The following LIPC variants were observed in gnomAD, a reference collection of about 807,000 sequenced individuals.
LIPC encodes the protein hepatic triacylglycerol lipase.
A neutral mutation model predicts 50.7 loss-of-function variants in LIPC; 44 were observed. That is an observed-to-expected ratio of 0.87 (90% CI 0.68 to 1.11). LIPC has a LOEUF of 1.11. Among genes scored for constraint, LIPC ranks in the 50% most tolerant of loss-of-function variants. The pLI is 0.00. For synonymous variants in LIPC, 271 were observed against 256.4 expected (o/e 1.06, Z -0.54); for missense variants, 697 against 648.2 (o/e 1.08, Z -0.82).
At chr15:58,488,529 G>T (rs1197386899) in intron 1 of LIPC, among the ~76,000 whole-genome samples, 3 of 151,926 alleles carry the variant, frequency 2.0e-5, no homozygotes, top group Non-Finnish European at 2.9e-5. Flanking sequence ...AGCCCCCTTG[G>T]AAGGAAAATA....
chr15:58,451,760 C>T (rs1177643386), intron 1 of LIPC, among the ~76,000 whole-genome samples: 9 of 152,284 alleles, frequency 5.9e-5, no homozygotes, highest in Admixed American at 2.0e-4. Flanking sequence ...CGAGGATGAG[C>T]GGGAGGCAAG....
At chr15:58,446,782 G>A (rs1350241719) in intron 1 of LIPC, among the ~76,000 whole-genome samples, 1 of 152,162 alleles carries the variant, frequency 6.6e-6, no homozygotes, top group African/African-American at 2.4e-5. Context: ...GCATGGAGCA[G>A]GCACGTGGCA....
intron 6 of LIPC, among the ~76,000 whole-genome samples, chr15:58,549,549 C>T (rs1056481180): frequency 9.2e-5 from 14 of 152,310 alleles, no homozygotes; most frequent in African/African-American, 2.4e-4. Flanking sequence ...AAGCAAAACT[C>T]GCGTGGGGTG....
At chr15:58,565,106 C>A in intron 8 of LIPC, 2 of 1,279,000 alleles carry the variant, frequency 1.6e-6, no homozygotes, top group East Asian at 2.5e-5. Flanking sequence ...TACAACCGCA[C>A]TCTGAGATTT....
intron 1 of LIPC, among the ~76,000 whole-genome samples, chr15:58,440,048 C>T (rs1893450736): frequency 6.6e-6 from 1 of 152,126 alleles, no homozygotes; most frequent in Non-Finnish European, 1.5e-5. Context: ...TGACTTCTTC[C>T]CCAGTAGCTA....
intron 1 of LIPC, among the ~76,000 whole-genome samples, chr15:58,456,771 G>A (rs113378901): frequency 4.6e-5 from 7 of 152,344 alleles, no homozygotes; most frequent in African/African-American, 1.4e-4. Flanking sequence ...TGGGGAAAAC[G>A]AGAGGTCCTC....
chr15:58,471,947 C>T (rs1890823391), intron 1 of LIPC, among the ~76,000 whole-genome samples: 1 of 152,124 alleles, frequency 6.6e-6, no homozygotes, highest in Non-Finnish European at 1.5e-5. Flanking sequence ...CATTAGCTCA[C>T]CCTTCTCAGC....
chr15:58,535,572 A>G (rs1893091178), intron 1 of LIPC, among the ~76,000 whole-genome samples: 2 of 152,210 alleles, frequency 1.3e-5, no homozygotes, highest in South Asian at 4.1e-4. Context: ...CAGAGTAAAT[A>G]TACACAAGAC....
At chr15:58,529,586 CT>C (rs1892898014) in intron 1 of LIPC, among the ~76,000 whole-genome samples, 2 of 152,218 alleles carry the variant, frequency 1.3e-5, no homozygotes, top group African/African-American at 4.8e-5. Flanking sequence ...CCTGTTTCCT[CT>C]TGTGCCGATC....
chr15:58,483,538 C>T (rs1222004484), intron 1 of LIPC, among the ~76,000 whole-genome samples: 3 of 152,122 alleles, frequency 2.0e-5, no homozygotes, highest in African/African-American at 7.2e-5. Context: ...AGGGGGTAAC[C>T]TCTGTCCCTT....
At chr15:58,538,203 C>T in intron 1 of LIPC, 130 bp from the exon 2 acceptor site, 1 of 911,326 alleles carries the variant, frequency 1.1e-6, no homozygotes. Flanking sequence ...ACAGTTGTGG[C>T]TCATTCTGAT....
chr15:58,516,413 G>C (rs1892491848), intron 1 of LIPC, among the ~76,000 whole-genome samples: 1 of 151,618 alleles, frequency 6.6e-6, no homozygotes, highest in African/African-American at 2.4e-5. Flanking sequence ...ATTTCTTTAA[G>C]CATTTCTTCT....
intron 2 of LIPC, 106 bp downstream of exon 2, chr15:58,538,623 C>A: frequency 5.5e-6 from 6 of 1,087,194 alleles, no homozygotes; most frequent in Non-Finnish European, 7.1e-6. Flanking sequence ...GATAACAACT[C>A]CATGCATAAT....
At chr15:58,542,087 C>T (rs187208154) in intron 3 of LIPC, 120 bp downstream of exon 3, 2 of 1,176,728 alleles carry the variant, frequency 1.7e-6, no homozygotes, top group Non-Finnish European at 2.4e-6. Flanking sequence ...ATGCTCAGCT[C>T]ACAGGAATGA....
chr15:58,442,098 G>C (rs1379853633), intron 1 of LIPC, among the ~76,000 whole-genome samples: 1 of 152,192 alleles, frequency 6.6e-6, no homozygotes, highest in African/African-American at 2.4e-5. Context: ...TAGCTGCACA[G>C]CTTTGGGTGA....
chr15:58,543,872 C>T lies in LIPC; in HGVS notation c.574+1221C>T, dbSNP rs1309050487. ...CCCAACCTCAGGTGATCCACCATCT[C>T]GGCCTCCCAAAGTGCTGGGATTACA... On this transcript the variant is annotated intron_variant, in intron 4 of 8. Transcript: ENST00000299022. 3.9e-5 allele frequency among the ~76,000 whole-genome samples: 6 copies of T among 152,222 alleles called. No homozygotes were observed. The East Asian group carries it at 7.7e-4, about 20-fold the overall frequency.
rs369378374 is a variant in LIPC, at chr15:58,548,382, C to G, written c.861C>G (p.Ile287Met). ...ACGAGCGATCGGTGCACCTTTTCATCGACTCCTTGCTGCACGCCGGCACGC... is the reference window on the plus strand; with the variant it reads ...ACGAGCGATCGGTGCACCTTTTCATGGACTCCTTGCTGCACGCCGGCACGC... ...CSHERSVHLF[I>M]DSLLHAGTQS... is the part of the protein sequence containing the mutation. Residue 287 changes from isoleucine to methionine, a missense_variant, in exon 6 of 9, where the codon ATC (isoleucine) becomes ATG (methionine). By Grantham distance (10) the Ile-to-Met change is conservative. Transcript: ENST00000299022. The G allele has an allele frequency of 5.6e-6, 9 of 1,614,176 alleles. No homozygotes were observed. The highest frequency in any genetic ancestry group is 7.6e-6 in the Non-Finnish European group (9 of 1,180,030).
At chr15:58,465,310 T>C (rs1894510785) in intron 1 of LIPC, among the ~76,000 whole-genome samples, 1 of 152,218 alleles carries the variant, frequency 6.6e-6, no homozygotes, top group South Asian at 2.1e-4. Flanking sequence ...TTACTTATAA[T>C]TGGTACCTCT....
At chr15:58,543,446 A>C (rs1426039172) in intron 4 of LIPC, among the ~76,000 whole-genome samples, 2 of 151,790 alleles carry the variant, frequency 1.3e-5, no homozygotes, top group Non-Finnish European at 2.9e-5. Context: ...TCTCTACTTC[A>C]CAAACACACC....
Sources: gnomAD v4.1 joint callset for allele counts (sites outside exome capture counted in the v4.1 genomes callset) on GRCh38, gnomAD v4.1.1 for gene constraint, MANE v1.5 for transcripts, NCBI Gene and HGNC (gene_info 2026-07-23, HGNC 2026-07-21) for gene names.